The following MACROD2 variants were observed in gnomAD, a reference collection of about 807,000 sequenced individuals.
MACROD2 encodes the protein ADP-ribose glycohydrolase MACROD2.
MACROD2 carries 36 observed loss-of-function variants against 70.4 expected under a neutral mutation model. The ratio of observed to expected loss-of-function variants is 0.51; its 90% CI spans 0.39 to 0.68. The LOEUF (loss-of-function observed/expected upper bound fraction) is 0.68. Ranked by LOEUF, MACROD2 falls within the 30% of genes least tolerant of loss-of-function variation. MACROD2 has a pLI of 0.00. For synonymous variants in MACROD2, 172 were observed against 178.8 expected (o/e 0.96, Z 0.30); for missense variants, 496 against 538.4 (o/e 0.92, Z 0.78).
intron 7 of MACROD2, among the ~76,000 whole-genome samples, chr20:15,489,642 A>T (rs142074268): frequency 6.6e-6 from 1 of 152,298 alleles, no homozygotes; most frequent in Admixed American, 6.5e-5. Context: ...GCAGAAGGCC[A>T]TGTGTTTGGT....
intron 3 of MACROD2, among the ~76,000 whole-genome samples, chr20:14,166,418 C>T (rs1009731446): frequency 6.6e-6 from 1 of 151,954 alleles, no homozygotes; most frequent in African/African-American, 2.4e-5. Context: ...TTTCAGTTAG[C>T]TTTCTATTCT....
At chr20:14,560,054 C>A (rs1370312268) in intron 4 of MACROD2, among the ~76,000 whole-genome samples, 1 of 151,794 alleles carries the variant, frequency 6.6e-6, no homozygotes, top group African/African-American at 2.4e-5. Flanking sequence ...TCAAGCTCTA[C>A]TGCTTAGTTC....
chr20:14,718,826 T>C (rs889883004), intron 5 of MACROD2, among the ~76,000 whole-genome samples: 6 of 152,218 alleles, frequency 3.9e-5, no homozygotes, highest in African/African-American at 1.4e-4. Flanking sequence ...ATGTAGTATG[T>C]TTCTTTTACC....
At chr20:16,026,463 G>A (rs139936613) in intron 15 of MACROD2, among the ~76,000 whole-genome samples, 1 of 152,326 alleles carries the variant, frequency 6.6e-6, no homozygotes, top group Non-Finnish European at 1.5e-5. Flanking sequence ...TTACTTTCAA[G>A]TGGATTACAG....
chr20:14,217,271 A>T (rs1203247473), intron 3 of MACROD2, among the ~76,000 whole-genome samples: 2 of 151,984 alleles, frequency 1.3e-5, no homozygotes, highest in Non-Finnish European at 1.5e-5. Context: ...TGATCATGTG[A>T]TTTTTGTTTT....
chr20:15,799,248 A>G (rs368917340), intron 8 of MACROD2, among the ~76,000 whole-genome samples: 2 of 152,358 alleles, frequency 1.3e-5, no homozygotes, highest in African/African-American at 4.8e-5. Flanking sequence ...CCTGCACACA[A>G]TGTGTAATAT....
intron 8 of MACROD2, among the ~76,000 whole-genome samples, chr20:15,743,513 C>T (rs1210300269): frequency 2.0e-5 from 3 of 152,154 alleles, no homozygotes; most frequent in Admixed American, 6.6e-5. Context: ...TAAAATCCCA[C>T]TTGACTTCAT....
chr20:15,920,451 T>G (rs1568641144), intron 10 of MACROD2, among the ~76,000 whole-genome samples: 1 of 152,238 alleles, frequency 6.6e-6, no homozygotes, highest in African/African-American at 2.4e-5. Flanking sequence ...TATGCACATT[T>G]TACTTAAGAA....
intron 3 of MACROD2, among the ~76,000 whole-genome samples, chr20:14,470,285 T>C (rs1600273675): frequency 6.6e-6 from 1 of 152,134 alleles, no homozygotes; most frequent in Non-Finnish European, 1.5e-5. Flanking sequence ...TTGCTGTCTT[T>C]TCCTTCCTCT....
chr20:15,688,650 T>C (rs544084755), intron 8 of MACROD2, among the ~76,000 whole-genome samples: 3 of 152,268 alleles, frequency 2.0e-5, no homozygotes, highest in Admixed American at 2.0e-4. Context: ...CGGAAGAAAA[T>C]GAAAATGGCC....
intron 3 of MACROD2, among the ~76,000 whole-genome samples, chr20:14,409,646 T>C (rs1219384224): frequency 2.6e-5 from 4 of 152,104 alleles, no homozygotes; most frequent in Admixed American, 2.6e-4. Flanking sequence ...AGCTGTCCCA[T>C]AGGCAGAGTT....
intron 5 of MACROD2, among the ~76,000 whole-genome samples, chr20:14,860,688 G>A (rs1190547071): frequency 6.6e-6 from 1 of 152,044 alleles, no homozygotes; most frequent in Non-Finnish European, 1.5e-5. Flanking sequence ...ACATAAAAGA[G>A]GGCAGCAAAA....
intron 3 of MACROD2, among the ~76,000 whole-genome samples, chr20:14,107,652 A>G (rs1209122731): frequency 1.3e-5 from 2 of 151,596 alleles, no homozygotes; most frequent in African/African-American, 2.4e-5. Context: ...AAAGAAACAT[A>G]TAACATAAAA....
chr20:14,260,824 G>A lies in MACROD2; in HGVS notation c.271+175096G>A, dbSNP rs147584638. Among the ~76,000 whole-genome samples, 3 of 152,236 alleles carry A rather than the reference G, an allele frequency of 2.0e-5. No individual in the cohort carries two copies. The East Asian group carries it at 5.8e-4, about 29-fold the overall frequency. On this transcript the variant is annotated intron_variant, in intron 3 of 17. Coordinates refer to ENST00000684519, the MANE Select transcript of MACROD2 (RefSeq NM_001351661.2). The stretch of plus-strand genomic sequence containing the variant: ...ATGTAAAGTTCTTAGGTGAATAATG[G>A]GTATGCAGTAAGGAATACATAAGTA...
chr20:15,008,407 A>G lies in MACROD2; in HGVS notation c.419-221533A>G, dbSNP rs570352748. 1.8e-3 allele frequency among the ~76,000 whole-genome samples: 277 copies of G among 152,248 alleles called. 1 individual carries two copies. Among genetic ancestry groups the G allele is most frequent in the African/African-American group, 6.3e-3 (262 of 41,540 alleles). ...ATTTATTTTTATTATTATTTTTGTA[A>G]CATAGAGTGTTGCAGATAAGGCATT... On this transcript the variant is annotated intron_variant, in intron 5 of 17. Coordinates refer to ENST00000684519, the MANE Select transcript of MACROD2 (RefSeq NM_001351661.2).
chr20:14,556,591 T>C (rs1450779744), intron 4 of MACROD2, among the ~76,000 whole-genome samples: 1 of 152,078 alleles, frequency 6.6e-6, no homozygotes, highest in Non-Finnish European at 1.5e-5. Flanking sequence ...ACTCCCTCCA[T>C]GATTTCAGTG....
chr20:15,772,294 G>C (rs1368894946), intron 8 of MACROD2, among the ~76,000 whole-genome samples: 4 of 151,360 alleles, frequency 2.6e-5, no homozygotes, highest in Admixed American at 1.3e-4. Context: ...GATTTACTCA[G>C]CACTTTCAAG....
chr20:15,480,784 C>T (rs780553977), intron 7 of MACROD2, among the ~76,000 whole-genome samples: 4 of 152,284 alleles, frequency 2.6e-5, no homozygotes, highest in Non-Finnish European at 2.9e-5. Flanking sequence ...CCCACCCCTG[C>T]GTTGATACCA....
intron 3 of MACROD2, among the ~76,000 whole-genome samples, chr20:14,120,792 T>C (rs2054577877): frequency 6.6e-6 from 1 of 151,412 alleles, no homozygotes; most frequent in Non-Finnish European, 1.5e-5. Flanking sequence ...GCATCATCCT[T>C]AGCAAACTAA....
Sources: gnomAD v4.1 joint callset for allele counts (sites outside exome capture counted in the v4.1 genomes callset) on GRCh38, gnomAD v4.1.1 for gene constraint, MANE v1.5 for transcripts, NCBI Gene and HGNC (gene_info 2026-07-23, HGNC 2026-07-21) for gene names.